PTPRG: variants seen among roughly 807,000 people sequenced by gnomAD.
PTPRG encodes receptor-type tyrosine-protein phosphatase gamma.
Under a neutral mutation model 165.3 loss-of-function variants are expected in PTPRG, and 102 were observed. The ratio of observed to expected loss-of-function variants is 0.62; its 90% CI spans 0.53 to 0.73. PTPRG has a LOEUF of 0.73. Among genes scored for constraint, PTPRG ranks in the 30% least tolerant of loss-of-function variants. The probability of loss-of-function intolerance (pLI) is 0.00; values close to 1 mark genes in which losing one functional copy is unlikely to be tolerated. For missense variants in PTPRG, 1,866 were observed against 1,861.4 expected, an observed-to-expected ratio of 1.00 and a Z score of -0.05; for synonymous variants, 675 against 669.5, an observed-to-expected ratio of 1.01 and a Z score of -0.13.
chr3:61,858,028 G>A (rs921188620), intron 2 of PTPRG, among the ~76,000 whole-genome samples: 1 of 152,178 alleles, frequency 6.6e-6, no homozygotes, highest in Non-Finnish European at 1.5e-5. Context: ...CCGCCTGTAT[G>A]AGAACCACTG....
chr3:61,848,018 C>G (rs2036853954), intron 2 of PTPRG, among the ~76,000 whole-genome samples: 1 of 152,220 alleles, frequency 6.6e-6, no homozygotes, highest in Non-Finnish European at 1.5e-5. Context: ...CTGCCATGAG[C>G]TGTAAATACT....
At chr3:61,915,666 C>A (rs2038915860) in intron 2 of PTPRG, among the ~76,000 whole-genome samples, 1 of 151,660 alleles carries the variant, frequency 6.6e-6, no homozygotes, top group African/African-American at 2.4e-5. Flanking sequence ...TTTTTTCTTT[C>A]TTTCTTCTTT....
chr3:62,099,793 C>CTTTTTTTT (rs759385441), intron 5 of PTPRG, among the ~76,000 whole-genome samples: 5 of 90,730 alleles, frequency 5.5e-5, no homozygotes, highest in Non-Finnish European at 8.1e-5. Context: ...AGTGTTAAAT[C>CTTTTTTTT]TTTTTTTTTT....
At chr3:62,090,412 A>G (rs1701889987) in intron 5 of PTPRG, among the ~76,000 whole-genome samples, 1 of 152,180 alleles carries the variant, frequency 6.6e-6, no homozygotes. Flanking sequence ...GCTAACACAA[A>G]GCCAATACCT....
chr3:61,983,047 A>C (rs1476967899), intron 2 of PTPRG, among the ~76,000 whole-genome samples: 1 of 152,214 alleles, frequency 6.6e-6, no homozygotes, highest in East Asian at 1.9e-4. Flanking sequence ...ATATTTTCTT[A>C]ACTGGTTTAA....
intron 1 of PTPRG, among the ~76,000 whole-genome samples, chr3:61,728,528 A>G (rs922980295): frequency 5.3e-5 from 8 of 152,014 alleles, no homozygotes; most frequent in Admixed American, 6.6e-5. Context: ...GGCTGCAGTG[A>G]TCTCTGATTG....
At chr3:62,215,679 TTCTC>T (rs2106876517) in intron 12 of PTPRG, among the ~76,000 whole-genome samples, 1 of 151,848 alleles carries the variant, frequency 6.6e-6, no homozygotes, top group South Asian at 2.1e-4. Context: ...AGGACCTTCA[TTCTC>T]TCTCTATGCT....
chr3:62,109,931 A>G (rs1702607809), intron 5 of PTPRG, among the ~76,000 whole-genome samples: 1 of 152,042 alleles, frequency 6.6e-6, no homozygotes, highest in Admixed American at 6.6e-5. Context: ...AACCATCACC[A>G]GCACACCCTC....
chr3:62,262,939 A>G (rs1183922881), intron 17 of PTPRG, 45 bp downstream of exon 17: 1 of 1,432,588 alleles, frequency 7.0e-7, no homozygotes, highest in Non-Finnish European at 9.8e-7. Context: ...AGGAAATTAA[A>G]TTTTCATGCT....
chr3:62,108,643 T>C (rs1447009397), intron 5 of PTPRG, among the ~76,000 whole-genome samples: 3 of 152,240 alleles, frequency 2.0e-5, no homozygotes, highest in Admixed American at 6.5e-5. Context: ...ATGGTTGAAC[T>C]AATTTACACT....
intron 4 of PTPRG, among the ~76,000 whole-genome samples, chr3:62,072,136 T>G (rs932141235): frequency 1.3e-5 from 2 of 152,172 alleles, no homozygotes; most frequent in African/African-American, 4.8e-5. Flanking sequence ...GGTGGACATT[T>G]TGTTGTCACT....
At chr3:61,869,734 C>A (rs646720) in intron 2 of PTPRG, among the ~76,000 whole-genome samples, 45,995 of 151,670 alleles carry the variant, frequency 0.3, 8,605 homozygotes, top group African/African-American at 0.54. Flanking sequence ...GCACGCCACC[C>A]TGCCTGGCTA....
At chr3:61,662,489 A>G (rs1457079084) in intron 1 of PTPRG, among the ~76,000 whole-genome samples, 2 of 152,228 alleles carry the variant, frequency 1.3e-5, no homozygotes, top group Non-Finnish European at 2.9e-5. Flanking sequence ...AGAGAACCTG[A>G]GCCAGAAGCA....
chr3:61,826,320 A>C (rs72880478), intron 2 of PTPRG, among the ~76,000 whole-genome samples: 1,900 of 152,248 alleles, frequency 0.012, 34 homozygotes, highest in African/African-American at 0.044. Flanking sequence ...TAAACTGTGG[A>C]GGCATCAGGG....
intron 1 of PTPRG, among the ~76,000 whole-genome samples, chr3:61,707,952 A>G (rs893011046): frequency 6.6e-6 from 1 of 151,822 alleles, no homozygotes; most frequent in African/African-American, 2.4e-5. Context: ...CTGTGACCAG[A>G]TAATTTTTGT....
At chr3:61,622,113 C>A (rs1701475239) in intron 1 of PTPRG, among the ~76,000 whole-genome samples, 1 of 152,154 alleles carries the variant, frequency 6.6e-6, no homozygotes, top group Non-Finnish European at 1.5e-5. Context: ...TTTCCTTTTC[C>A]CGCCTAAGTT....
chr3:62,151,936 T>C (rs1398597853), intron 6 of PTPRG, among the ~76,000 whole-genome samples: 1 of 152,172 alleles, frequency 6.6e-6, no homozygotes, highest in African/African-American at 2.4e-5. Context: ...TATTATCCCA[T>C]TTTACAGATG....
chr3:62,061,364 G>T (rs1700804591), intron 4 of PTPRG, among the ~76,000 whole-genome samples: 1 of 151,968 alleles, frequency 6.6e-6, no homozygotes, highest in African/African-American at 2.4e-5. Context: ...CCACTAACAA[G>T]ATAGGTCATG....
intron 2 of PTPRG, among the ~76,000 whole-genome samples, chr3:61,829,936 A>G (rs976313549): frequency 6.6e-5 from 10 of 152,178 alleles, no homozygotes; most frequent in African/African-American, 1.2e-4. Context: ...ACTAAAGACT[A>G]CTTCATTTTA....
Sources: allele counts gnomAD v4.1 joint callset (sites outside exome capture counted in the v4.1 genomes callset), GRCh38; gene constraint gnomAD v4.1.1; transcripts MANE v1.5; gene names NCBI Gene and HGNC (gene_info 2026-07-23, HGNC 2026-07-21).